GPRC5B: variants seen among roughly 807,000 people sequenced by gnomAD.
GPRC5B encodes the protein G protein-coupled receptor family C group 5 member B.
In GPRC5B, 16 loss-of-function variants were observed where a neutral mutation model predicts 30.1. The ratio of observed to expected loss-of-function variants is 0.53; its 90% CI spans 0.36 to 0.81. The LOEUF is 0.81. Ranked by LOEUF, GPRC5B falls within the 30% of genes least tolerant of loss-of-function variation. GPRC5B has a pLI of 0.01. For synonymous variants in GPRC5B, 241 were observed against 239.5 expected, an observed-to-expected ratio of 1.01 and a Z score of -0.06; for missense variants, 428 against 544.7, an observed-to-expected ratio of 0.79 and a Z score of 2.13.
Position 19,872,407 on chromosome 16 carries a change from C to T in GPRC5B, c.439G>A (p.Val147Met), listed in dbSNP as rs114262543. 1.1e-3 allele frequency: 1,831 copies of T among 1,613,534 alleles called. 18 individuals are homozygous for T. In the African/African-American group the frequency reaches 0.021, roughly 18 times the overall value. ...FSCLLSQAWR[V>M]RRLVRHGTGP... ...GTGCCATGCCGCACCAGCCTCCGCA[C>T]GCGCCATGCCTGGCTCAGCAGGCAG... is the stretch of plus-strand genomic sequence containing the variant. Residue 147 changes from valine (V) to methionine (M), a missense_variant, in exon 2 of 4, where the codon GTG (valine) becomes ATG (methionine). Transcript: ENST00000300571. The surrounding 1 kb of genome is among the most constrained non-coding windows in gnomAD (Gnocchi z 5.0).
Position 19,861,958 on chromosome 16 carries a change from C to A in GPRC5B, c.1046G>T (p.Gly349Val), listed in dbSNP as rs771641063. ...DEHNAALRTA[G>V]FPNGSLGKRP... ...TTTTCCCAAGCTGCCGTTGGGAAATCCTGCTGTTCGGAGAGCTGGGGGAGG... is the reference window on the plus strand; with the variant it reads ...TTTTCCCAAGCTGCCGTTGGGAAATACTGCTGTTCGGAGAGCTGGGGGAGG... The change falls in exon 3 of 4, where the codon GGA becomes GTA. Residue 349 changes from glycine (G) to valine (V), a missense_variant. Gly to Val is a moderately radical substitution (Grantham distance 109). Coordinates refer to ENST00000300571, the MANE Select transcript of GPRC5B (RefSeq NM_016235.3). The A allele has an allele frequency of 2.5e-6, 4 of 1,613,850 alleles. No individual in the cohort carries two copies. The South Asian group carries it at 4.4e-5, about 18-fold the overall frequency.
chr16:19,862,302 A>G, intron 2 of GPRC5B: 2 of 304,030 alleles, frequency 6.6e-6, no homozygotes. Flanking sequence ...ACAGAAAGCC[A>G]TTCATGTAAA....
In GPRC5B at chr16:19,872,678, G is replaced by GC; in HGVS notation, c.167dup (p.Ile57HisfsTer132). 1 of 1,614,114 alleles carries GC rather than the reference G, an allele frequency of 6.2e-7. No individual in the cohort carries two copies. Among genetic ancestry groups the GC allele is most frequent in the Non-Finnish European group, 8.5e-7 (1 of 1,180,020 alleles). ...CCCCGGCCACCGCCTCCACCACAAT[G>GC]CCCCAGATGGCGTCCAGGTCGCACA... is the stretch of plus-strand genomic sequence containing the variant. On this transcript the variant is annotated frameshift_variant, in exon 2 of 4. Transcript: ENST00000300571. LOFTEE classifies it high-confidence loss of function. The surrounding 1 kb of genome is among the most constrained non-coding windows in gnomAD (Gnocchi z 5.0).
chr16:19,873,464 C>CAA (rs1224351499), intron 1 of GPRC5B, among the ~76,000 whole-genome samples: 18 of 55,718 alleles, frequency 3.2e-4, no homozygotes, highest in East Asian at 5.6e-4. Flanking sequence ...ACTCCGTCTC[C>CAA]AAAAAAAAAA....
chr16:19,862,237 C>A (rs1412563283), intron 2 of GPRC5B: 1 of 429,456 alleles, frequency 2.3e-6, no homozygotes, highest in Non-Finnish European at 4.2e-6. Context: ...GCCTCTGGTT[C>A]CCCCTCCAAG....
rs1298084859 is a variant in GPRC5B at position 19,857,744 on chromosome 16, C to CT, written c.*2755dup. On this transcript the variant is annotated 3_prime_UTR_variant, in exon 4 of 4. Transcript: ENST00000300571. The stretch of plus-strand genomic sequence containing the variant: ...TCAGTGGGTCCTGACGGCATCTGGG[C>CT]TAAAAAAAAAAAAAAAAAAAAGCAC... 1.1e-4 allele frequency: 11 copies of CT among 102,222 alleles called. No individual in the cohort carries two copies. Among genetic ancestry groups the CT allele is most frequent in the Non-Finnish European group, 1.9e-4 (9 of 47,928 alleles). 6.3% of individuals were successfully genotyped at this position (102,222 alleles called of 1,614,324 possible). A position where few individuals can be genotyped will look rare whatever the true frequency, so the allele number is the denominator to read the frequency against.
chr16:19,865,499 G>GA (rs2056658776), intron 2 of GPRC5B, among the ~76,000 whole-genome samples: 2 of 152,120 alleles, frequency 1.3e-5, no homozygotes, highest in African/African-American at 2.4e-5. Flanking sequence ...AATTGATGAG[G>GA]AAAAAACTGG....
Position 19,861,828 on chromosome 16 carries a change from G to A in GPRC5B, c.1167+9C>T, listed in dbSNP as rs369976914. On this transcript the variant is annotated intron_variant, in intron 3 of 3. Transcript: ENST00000300571. ...GCTTCCTACCCCCACATCACATCTT[G>A]ATACTTACGGTCCCACCGTTGAGCA... 6.8e-6 allele frequency: 11 copies of A among 1,611,630 alleles called. No homozygotes were observed. The African/African-American group carries it at 1.5e-4, about 22-fold the overall frequency.
At chr16:19,885,284 A>G, upstream of GPRC5B, 1 of 1,278,370 alleles carries the variant, frequency 7.8e-7, no homozygotes, top group Non-Finnish European at 1.0e-6. This position sits in a 1 kb window ranked among gnomAD's most constrained non-coding sequence, Gnocchi z 5.3. Context: ...GTTCATAAGC[A>G]GTAACTTCCC....
At position 19,861,956 on chromosome 16, in the gene GPRC5B, A is replaced by C. The variant is rs2056628157; in HGVS notation, c.1048T>G (p.Phe350Val). ...EHNAALRTAG[F>V]PNGSLGKRPS... The stretch of plus-strand genomic sequence containing the variant: ...CTTTTTCCCAAGCTGCCGTTGGGAA[A>C]TCCTGCTGTTCGGAGAGCTGGGGGA... Residue 350 changes from phenylalanine (F) to valine (V), a missense_variant, in exon 3 of 4, where the codon TTT becomes GTT. Coordinates refer to ENST00000300571, the MANE Select transcript of GPRC5B (RefSeq NM_016235.3). 1.2e-6 allele frequency: 2 copies of C among 1,613,714 alleles called. No individual in the cohort carries two copies. Among genetic ancestry groups the C allele is most frequent in the Non-Finnish European group, 1.7e-6 (2 of 1,179,846 alleles).
At chr16:19,880,148 T>A (rs896278409) in intron 1 of GPRC5B, among the ~76,000 whole-genome samples, 35 of 150,402 alleles carry the variant, frequency 2.3e-4, no homozygotes, top group Non-Finnish European at 3.4e-4. Context: ...ATAATAATAA[T>A]AAAATAAAAT....
chr16:19,860,678 A>G, intron 3 of GPRC5B, 134 bp from the exon 4 acceptor site: 1 of 598,020 alleles, frequency 1.7e-6, no homozygotes. Flanking sequence ...AATTCCCAGG[A>G]GAGGCAGCAA....
intron 3 of GPRC5B, 53 bp downstream of exon 3, chr16:19,861,784 C>G: frequency 6.5e-7 from 1 of 1,545,354 alleles, no homozygotes; most frequent in Non-Finnish European, 8.9e-7. Flanking sequence ...AGCTGCTCCC[C>G]GACACCGTAG....
Position 19,871,866 on chromosome 16 carries a change from G to C in GPRC5B, c.980C>G (p.Pro327Arg). 1 of 1,613,974 alleles carries C rather than the reference G, an allele frequency of 6.2e-7. No individual in the cohort carries two copies. The highest frequency in any genetic ancestry group is 8.5e-7 in the Non-Finnish European group (1 of 1,180,038). The change falls in exon 2 of 4, where the codon CCG becomes CGG. Residue 327 changes from proline to arginine, a missense_variant. This residue lies in a region of GPRC5B where 213 missense variants were observed against 229.1 expected (regional missense o/e 0.93). Transcript: ENST00000300571. ...GGCCTTGTTCTCCATATAGGCCCGCGGCAGCTGCACGTCCTCCTCGAAGGC... is the reference window on the plus strand; with the variant it reads ...GGCCTTGTTCTCCATATAGGCCCGCCGCAGCTGCACGTCCTCCTCGAAGGC... Reference protein sequence around the residue: ...ETAFEEDVQLPRAYMENKAFS... With the variant: ...ETAFEEDVQLRRAYMENKAFS...
chr16:19,860,641 C>A (rs2056613649), intron 3 of GPRC5B, 97 bp from the exon 4 acceptor site: 4 of 767,856 alleles, frequency 5.2e-6, no homozygotes, highest in Non-Finnish European at 9.2e-6. Flanking sequence ...AAATAAGTTA[C>A]CTTGCTTTTA....
At position 19,857,708 on chromosome 16, in the gene GPRC5B, T is replaced by C. The variant is rs2141133659; in HGVS notation, c.*2792A>G. ...TGGCCAACCGAGACCACCACCCGAG[T>C]TCACCCTTGTTCAGTGGGTCCTGAC... On this transcript the variant is annotated 3_prime_UTR_variant, in exon 4 of 4. Coordinates refer to ENST00000300571, the MANE Select transcript of GPRC5B (RefSeq NM_016235.3). The C allele has an allele frequency of 5.6e-6, 1 of 178,066 alleles. No individual in the cohort carries two copies. Among genetic ancestry groups the C allele is most frequent in the African/African-American group, 2.5e-5 (1 of 39,278 alleles). The allele number at this position is 178,066 out of a possible 1,614,324, so 11.0% of individuals were successfully genotyped here. A position where few individuals can be genotyped will look rare whatever the true frequency, so the allele number is the denominator to read the frequency against.
intron 2 of GPRC5B, among the ~76,000 whole-genome samples, chr16:19,866,718 A>G (rs577202463): frequency 6.6e-6 from 1 of 152,192 alleles, no homozygotes; most frequent in Admixed American, 6.5e-5. Context: ...GATTCCACTG[A>G]TTCTATATGA....
intron 3 of GPRC5B, among the ~76,000 whole-genome samples, chr16:19,860,935 C>T (rs1450414847): frequency 6.6e-6 from 1 of 151,802 alleles, no homozygotes; most frequent in Non-Finnish European, 1.5e-5. Flanking sequence ...ATAAAACAGC[C>T]CAGTCGTTGG....
chr16:19,861,851 G>GC lies in GPRC5B; in HGVS notation c.1152dup (p.Leu385AlafsTer43). ...TTGATACTTACGGTCCCACCGTTGAGCACGACGGCCATCTCAGTTGGCTGA... is the reference window on the plus strand; with the variant it reads ...TTGATACTTACGGTCCCACCGTTGAGCCACGACGGCCATCTCAGTTGGCTGA... On this transcript the variant is annotated frameshift_variant, in exon 3 of 4. Coordinates refer to ENST00000300571, the MANE Select transcript of GPRC5B (RefSeq NM_016235.3). LOFTEE classifies it high-confidence loss of function. The GC allele has an allele frequency of 6.2e-7, 1 of 1,613,392 alleles. No homozygotes were observed. The highest frequency in any genetic ancestry group is 8.5e-7 in the Non-Finnish European group (1 of 1,179,720).
Sources: gnomAD v4.1 joint callset for allele counts (sites outside exome capture counted in the v4.1 genomes callset) on GRCh38, gnomAD v4.1.1 for gene constraint, gnomAD v4.1.1 regional missense constraint, Gnocchi (gnomAD v3.1) non-coding constraint, MANE v1.5 for transcripts, NCBI Gene and HGNC (gene_info 2026-07-23, HGNC 2026-07-21) for gene names.